MVB12B: variants seen among roughly 807,000 people sequenced by gnomAD.
The protein encoded by MVB12B is ESCRT-I complex subunit MVB12B.
Under a neutral mutation model 41.6 loss-of-function variants are expected in MVB12B, and 16 were observed. The observed-to-expected ratio is 0.38, with a 90% confidence interval of 0.26 to 0.58. MVB12B has a LOEUF of 0.58. Among genes scored for constraint, MVB12B ranks in the 20% least tolerant of loss-of-function variants. The pLI is 0.62. For synonymous variants in MVB12B, 133 were observed against 139.7 expected, an observed-to-expected ratio of 0.95 and a Z score of 0.34; for missense variants, 274 against 380.2, an observed-to-expected ratio of 0.72 and a Z score of 2.32.
chr9:126,342,983 A>G (rs1829489627), intron 2 of MVB12B, among the ~76,000 whole-genome samples: 6 of 152,192 alleles, frequency 3.9e-5, no homozygotes, highest in Admixed American at 3.9e-4. Context: ...CCCGTTAAGT[A>G]CTGCCACCAC....
rs889954345 is a variant in MVB12B at position 126,333,438 on chromosome 9, T to C, written c.81+6428T>C. ...TTATTTTTTTGAGATGAGGTCTGGC[T>C]CTGTCACCCAGCCTGGAGTGCAGTG... On this transcript the variant is annotated intron_variant, in intron 1 of 9. Transcript: ENST00000361171. This position sits in a 1 kb window ranked among gnomAD's most constrained non-coding sequence, Gnocchi z 4.7. 5.3e-5 allele frequency among the ~76,000 whole-genome samples: 8 copies of C among 151,758 alleles called. No individual in the cohort carries two copies. The highest frequency in any genetic ancestry group is 1.7e-4 in the African/African-American group (7 of 41,240).
At chr9:126,421,983 G>A (rs1196633101) in intron 7 of MVB12B, 35 bp downstream of exon 7, 1 of 1,463,880 alleles carries the variant, frequency 6.8e-7, no homozygotes, top group African/African-American at 1.6e-5. Context: ...CAGCTACAGA[G>A]TCTGTGTCCC....
rs1462919769 is a variant in MVB12B at position 126,417,191 on chromosome 9, G to A, written c.663-4663G>A. Among the ~76,000 whole-genome samples the A allele has an allele frequency of 2.0e-5, 3 of 152,190 alleles. No homozygotes were observed. In the East Asian group the frequency reaches 5.8e-4, roughly 29 times the overall value. ...GGGGCCTTCTCACCTGCTGCTCTCT[G>A]ACTGCTGTCCCTTACCCACTCTTGC... On this transcript the variant is annotated intron_variant, in intron 6 of 9. Transcript: ENST00000361171.
Position 126,381,088 on chromosome 9 carries a change from G to C in MVB12B, c.229G>C (p.Asp77His). The change falls in exon 3 of 10, where the codon GAT becomes CAT. Residue 77 changes from aspartate (D) to histidine (H), a missense_variant. Physicochemically the swap from Asp to His is moderately conservative, Grantham distance 81. Transcript: ENST00000361171. ...DVVAQTADGV[D>H]ADLWKDGLFK... Reference sequence around the variant, plus strand: ...GGTTGCACAGACAGCAGATGGTGTGGATGCTGACCTCTGGAAAGACGGCTT... The same window carrying C: ...GGTTGCACAGACAGCAGATGGTGTGCATGCTGACCTCTGGAAAGACGGCTT... The C allele has an allele frequency of 6.2e-7, 1 of 1,614,124 alleles. No individual in the cohort carries two copies. Among genetic ancestry groups the C allele is most frequent in the Non-Finnish European group, 8.5e-7 (1 of 1,179,998 alleles).
At chr9:126,410,965 G>T (rs1272549808) in intron 6 of MVB12B, among the ~76,000 whole-genome samples, 1 of 147,360 alleles carries the variant, frequency 6.8e-6, no homozygotes, top group East Asian at 2.0e-4. Context: ...TCTGCTTACT[G>T]CAGCCTCCAC....
intron 2 of MVB12B, among the ~76,000 whole-genome samples, chr9:126,347,309 A>G (rs1588092280): frequency 6.6e-6 from 1 of 152,254 alleles, no homozygotes; most frequent in African/African-American, 2.4e-5. Flanking sequence ...CGGGCAGCAC[A>G]TGGGCCAGCT....
At chr9:126,465,003 C>T (rs1050307736) in intron 7 of MVB12B, among the ~76,000 whole-genome samples, 8 of 152,190 alleles carry the variant, frequency 5.3e-5, no homozygotes, top group African/African-American at 1.4e-4. Context: ...ATCCAAGACA[C>T]CTTCTCTCTT....
chr9:126,457,658 A>G (rs938657319), intron 7 of MVB12B, among the ~76,000 whole-genome samples: 14 of 152,130 alleles, frequency 9.2e-5, no homozygotes, highest in African/African-American at 3.1e-4. Flanking sequence ...TGCGGTTGCC[A>G]GTACTTCCAT....
chr9:126,413,933 G>A (rs1028465086), intron 6 of MVB12B, among the ~76,000 whole-genome samples: 3 of 151,486 alleles, frequency 2.0e-5, no homozygotes, highest in African/African-American at 4.9e-5. Flanking sequence ...CTCTCTCGAC[G>A]CTGCCCTTTG....
At chr9:126,371,850 G>A (rs752017499) in intron 2 of MVB12B, among the ~76,000 whole-genome samples, 7 of 152,168 alleles carry the variant, frequency 4.6e-5, no homozygotes, top group Non-Finnish European at 1.0e-4. Flanking sequence ...CTTATGCTAA[G>A]TACTTCTAGA....
At chr9:126,380,850 A>G (rs892349329) in intron 2 of MVB12B, among the ~76,000 whole-genome samples, 26 of 152,196 alleles carry the variant, frequency 1.7e-4, no homozygotes, top group African/African-American at 5.5e-4. Flanking sequence ...TCTTTAATCA[A>G]TGGCTTCCCC....
intron 9 of MVB12B, among the ~76,000 whole-genome samples, chr9:126,499,618 C>T (rs928988819): frequency 8.5e-5 from 13 of 152,178 alleles, no homozygotes; most frequent in Non-Finnish European, 1.6e-4. Context: ...GCGGGAGGAG[C>T]GGGCAGGGAC....
At chr9:126,402,916 T>C (rs916194970) in intron 6 of MVB12B, among the ~76,000 whole-genome samples, 3 of 151,982 alleles carry the variant, frequency 2.0e-5, no homozygotes, top group Non-Finnish European at 4.4e-5. Flanking sequence ...AGCACGGGGG[T>C]GTGAATGATC....
At chr9:126,387,675 A>C (rs1052512646) in intron 4 of MVB12B, among the ~76,000 whole-genome samples, 1 of 152,168 alleles carries the variant, frequency 6.6e-6, no homozygotes, top group Admixed American at 6.5e-5. Flanking sequence ...TATTTTATGT[A>C]TTACCTGATA....
Position 126,367,756 on chromosome 9 carries a change from T to C in MVB12B, c.205-13308T>C, listed in dbSNP as rs960631161. 6.6e-6 allele frequency among the ~76,000 whole-genome samples: 1 copy of C among 152,222 alleles called. No homozygotes were observed. Among genetic ancestry groups the C allele is most frequent in the Non-Finnish European group, 1.5e-5 (1 of 68,038 alleles). ...ACCCTGCCAAGTTACTATTGCAGTCTTGTTTTACAAGTAAGAAAGCAAAGC... is the reference window on the plus strand; with the variant it reads ...ACCCTGCCAAGTTACTATTGCAGTCCTGTTTTACAAGTAAGAAAGCAAAGC... On this transcript the variant is annotated intron_variant, in intron 2 of 9. Coordinates refer to ENST00000361171, the MANE Select transcript of MVB12B (RefSeq NM_033446.3). This position sits in a 1 kb window ranked among gnomAD's most constrained non-coding sequence, Gnocchi z 4.3.
intron 7 of MVB12B, among the ~76,000 whole-genome samples, chr9:126,464,224 C>T (rs1025677437): frequency 3.9e-5 from 6 of 152,274 alleles, no homozygotes; most frequent in African/African-American, 1.2e-4. Context: ...CAGGAGGCAG[C>T]CCAGGGGGTA....
At chr9:126,337,758 A>G (rs1422705435) in intron 1 of MVB12B, among the ~76,000 whole-genome samples, 2 of 152,156 alleles carry the variant, frequency 1.3e-5, no homozygotes, top group African/African-American at 2.4e-5. Context: ...TGAGATACAG[A>G]TGGATGCTGG....
At position 126,395,985 on chromosome 9, in the gene MVB12B, A is replaced by C; in HGVS notation, c.662+288A>C. 7 of 1,225,358 alleles carry C rather than the reference A, an allele frequency of 5.7e-6. No individual in the cohort carries two copies. Among genetic ancestry groups the C allele is most frequent in the Non-Finnish European group, 7.2e-6 (7 of 976,746 alleles). The allele number at this position is 1,225,358 out of a possible 1,614,324, so 75.9% of individuals were successfully genotyped here. On this transcript the variant is annotated intron_variant, in intron 6 of 9. Transcript: ENST00000361171. This position sits in a 1 kb window ranked among gnomAD's most constrained non-coding sequence, Gnocchi z 4.9. ...CCTATTCAAAAGAGCTGCTAGCTAC[A>C]CACAGACACGTGCTGTATAGCCATG...
chr9:126,483,989 T>C lies in MVB12B; in HGVS notation c.830T>C (p.Leu277Pro), dbSNP rs1833582063. ...TGTTTTCAGATGCAGCCCTTTGATC[T>C]CCTGGGAATCACCATCAAATCTCTA... Reference protein sequence around the residue: ...CVPESMQPFDLLGITIKSLAE... With the variant: ...CVPESMQPFDPLGITIKSLAE... Residue 277 changes from leucine to proline, a missense_variant, in exon 9 of 10, where the codon CTC becomes CCC. Physicochemically the swap from Leu to Pro is moderately conservative, Grantham distance 98. Transcript: ENST00000361171. 1 of 1,614,106 alleles carries C rather than the reference T, an allele frequency of 6.2e-7. No individual in the cohort carries two copies. The highest frequency in any genetic ancestry group is 2.2e-5 in the East Asian group (1 of 44,884).
Sources: allele counts gnomAD v4.1 joint callset (sites outside exome capture counted in the v4.1 genomes callset), GRCh38; gene constraint gnomAD v4.1.1; non-coding constraint Gnocchi (gnomAD v3.1); transcripts MANE v1.5; gene names NCBI Gene and HGNC (gene_info 2026-07-23, HGNC 2026-07-21).